SPOCK1: variants seen among roughly 807,000 people sequenced by gnomAD.
SPOCK1 encodes SPARC (osteonectin), cwcv and kazal like domains proteoglycan 1, also known as testican-1.
Under a neutral mutation model 55.3 loss-of-function variants are expected in SPOCK1, and 23 were observed. The ratio of observed to expected loss-of-function variants is 0.42; its 90% CI spans 0.30 to 0.59. SPOCK1 has a LOEUF of 0.59. SPOCK1 is among the 20% of genes least tolerant of loss of function. SPOCK1 has a pLI of 0.22. For missense variants in SPOCK1, 499 were observed against 552.5 expected (o/e 0.90, Z 0.97); for synonymous variants, 226 against 221.0 (o/e 1.02, Z -0.20).
intron 2 of SPOCK1, among the ~76,000 whole-genome samples, chr5:137,349,686 T>C (rs1750633584): frequency 6.6e-6 from 1 of 152,234 alleles, no homozygotes; most frequent in South Asian, 2.1e-4. Flanking sequence ...TTGCTCATCT[T>C]TGGCATTCCT....
intron 2 of SPOCK1, among the ~76,000 whole-genome samples, chr5:137,333,335 G>A (rs1758223156): frequency 6.6e-6 from 1 of 152,190 alleles, no homozygotes; most frequent in Non-Finnish European, 1.5e-5. Flanking sequence ...TGAACATGAT[G>A]TCCTAGAAAG....
chr5:137,473,137 A>G (rs1195742378), intron 2 of SPOCK1, among the ~76,000 whole-genome samples: 1 of 152,206 alleles, frequency 6.6e-6, no homozygotes, highest in Non-Finnish European at 1.5e-5. Flanking sequence ...CTCTGCAAAC[A>G]TGAAACAATA....
At chr5:137,102,560 T>C (rs1467241273) in intron 5 of SPOCK1, among the ~76,000 whole-genome samples, 3 of 152,218 alleles carry the variant, frequency 2.0e-5, no homozygotes, top group African/African-American at 7.2e-5. Flanking sequence ...TTTTTTGGGT[T>C]GAGTCATGTT....
intron 2 of SPOCK1, among the ~76,000 whole-genome samples, chr5:137,353,373 C>G (rs1750723429): frequency 6.6e-6 from 1 of 152,018 alleles, no homozygotes; most frequent in Admixed American, 6.5e-5. Context: ...AGAGCAAAAC[C>G]CTGATTCAAT....
chr5:137,325,282 C>T (rs1758055819), intron 2 of SPOCK1, among the ~76,000 whole-genome samples: 1 of 152,136 alleles, frequency 6.6e-6, no homozygotes, highest in African/African-American at 2.4e-5. Context: ...AACATACCAG[C>T]CCTCCCTTGC....
At position 137,243,052 on chromosome 5, in the gene SPOCK1, A is replaced by T. The variant is rs111345725; in HGVS notation, c.232+23958T>A. On this transcript the variant is annotated intron_variant, in intron 3 of 10. Coordinates refer to ENST00000394945, the MANE Select transcript of SPOCK1 (RefSeq NM_004598.4). The stretch of plus-strand genomic sequence containing the variant: ...AACCAACTGAATTTATTCCTTATTT[A>T]AAAACTATATTCAATAAAAAAATAA... Among the ~76,000 whole-genome samples, 1,459 of 152,318 alleles carry T rather than the reference A, an allele frequency of 9.6e-3. 26 individuals are homozygous for T. Among genetic ancestry groups the T allele is most frequent in the African/African-American group, 0.033 (1,380 of 41,566 alleles).
chr5:137,394,133 T>C (rs183519923), intron 2 of SPOCK1, among the ~76,000 whole-genome samples: 1 of 152,344 alleles, frequency 6.6e-6, no homozygotes, highest in Non-Finnish European at 1.5e-5. Flanking sequence ...TTGTCATTCA[T>C]TCTTGCATTT....
chr5:137,396,089 T>G (rs1050796245), intron 2 of SPOCK1, among the ~76,000 whole-genome samples: 2 of 152,208 alleles, frequency 1.3e-5, no homozygotes, highest in Admixed American at 6.5e-5. Flanking sequence ...TTCCACTATC[T>G]AGAGACAGAT....
chr5:137,430,721 T>C (rs1752726026), intron 2 of SPOCK1, among the ~76,000 whole-genome samples: 1 of 152,216 alleles, frequency 6.6e-6, no homozygotes, highest in Non-Finnish European at 1.5e-5. Context: ...TCACTCTCAT[T>C]TTGGCTTTAG....
At chr5:137,005,949 C>A (rs4246785) in intron 6 of SPOCK1, among the ~76,000 whole-genome samples, 1 of 151,932 alleles carries the variant, frequency 6.6e-6, no homozygotes. Flanking sequence ...CTAAGATCTA[C>A]CTAAATAAAG....
At chr5:137,160,674 A>AAT (rs1754536967) in intron 3 of SPOCK1, among the ~76,000 whole-genome samples, 1 of 112,540 alleles carries the variant, frequency 8.9e-6, no homozygotes, top group African/African-American at 3.4e-5. Flanking sequence ...TATAATATAT[A>AAT]ATATATGTTA....
intron 3 of SPOCK1, among the ~76,000 whole-genome samples, chr5:137,151,732 G>C (rs543357799): frequency 3.9e-5 from 6 of 152,304 alleles, no homozygotes; most frequent in South Asian, 2.1e-4. Context: ...AAAGGTCCTA[G>C]AGTTTTTCAG....
intron 6 of SPOCK1, among the ~76,000 whole-genome samples, chr5:137,013,133 C>T (rs1228390715): frequency 6.6e-6 from 1 of 152,114 alleles, no homozygotes; most frequent in Non-Finnish European, 1.5e-5. Context: ...ATGAGAAGAG[C>T]ATGGTTCTTT....
chr5:137,103,788 TA>T (rs2127027054), intron 5 of SPOCK1, among the ~76,000 whole-genome samples: 1 of 152,384 alleles, frequency 6.6e-6, no homozygotes, highest in East Asian at 1.9e-4. Context: ...AGGATAATTC[TA>T]ACAAAACTAG....
chr5:137,266,542 T>G (rs1750325635), intron 3 of SPOCK1, among the ~76,000 whole-genome samples: 1 of 152,192 alleles, frequency 6.6e-6, no homozygotes, highest in Non-Finnish European at 1.5e-5. Context: ...AGGCTTCTAT[T>G]TAGAAACCAT....
At chr5:137,136,184 C>G (rs1387421201) in intron 4 of SPOCK1, among the ~76,000 whole-genome samples, 1 of 152,128 alleles carries the variant, frequency 6.6e-6, no homozygotes, top group African/African-American at 2.4e-5. Flanking sequence ...GGTCATAACT[C>G]CTATGTTTTC....
At chr5:137,257,412 A>G (rs374731066) in intron 3 of SPOCK1, among the ~76,000 whole-genome samples, 122 of 152,228 alleles carry the variant, frequency 8.0e-4, no homozygotes, top group African/African-American at 2.7e-3. Flanking sequence ...TGCCATTATC[A>G]AAGGAACCTC....
At chr5:137,358,053 G>C (rs947567051) in intron 2 of SPOCK1, among the ~76,000 whole-genome samples, 17 of 152,222 alleles carry the variant, frequency 1.1e-4, no homozygotes, top group Middle Eastern at 3.4e-3. Context: ...CCTGAGGACT[G>C]TACCAGTCAC....
rs1024102173 is a variant in SPOCK1 at position 136,978,071 on chromosome 5, T to G, written c.*583A>C. 1 of 397,382 alleles carries G rather than the reference T, an allele frequency of 2.5e-6. No individual in the cohort carries two copies. Among genetic ancestry groups the G allele is most frequent in the Non-Finnish European group, 4.4e-6 (1 of 225,766 alleles). The allele number at this position is 397,382 out of a possible 1,614,324, so 24.6% of individuals were successfully genotyped here. A position where few individuals can be genotyped will look rare whatever the true frequency, so the allele number is the denominator to read the frequency against. The stretch of plus-strand genomic sequence containing the variant: ...AATAAAATGAATTCCCCAAAGGGAG[T>G]CTTGACTGAATTAAGGCTGTTGTTT... On this transcript the variant is annotated 3_prime_UTR_variant, in exon 11 of 11. Coordinates refer to ENST00000394945, the MANE Select transcript of SPOCK1 (RefSeq NM_004598.4).
Sources: gnomAD v4.1 joint callset for allele counts (sites outside exome capture counted in the v4.1 genomes callset) on GRCh38, gnomAD v4.1.1 for gene constraint, MANE v1.5 for transcripts, NCBI Gene and HGNC (gene_info 2026-07-23, HGNC 2026-07-21) for gene names.